The following FGF12 variants were observed in gnomAD, a reference collection of about 807,000 sequenced individuals.
FGF12 encodes fibroblast growth factor 12B.
FGF12 carries 14 observed loss-of-function variants against 23.6 expected under a neutral mutation model. That is an observed-to-expected ratio of 0.59 (90% CI 0.39 to 0.93). FGF12 has a LOEUF of 0.93. Among genes scored for constraint, FGF12 ranks in the 40% least tolerant of loss-of-function variants. The pLI is 0.00. For synonymous variants in FGF12, 62 were observed against 77.3 expected (o/e 0.80, Z 1.04); for missense variants, 175 against 217.8 (o/e 0.80, Z 1.24).
At chr3:192,627,388 C>A (rs1715211177) in intron 2 of FGF12, among the ~76,000 whole-genome samples, 2 of 151,788 alleles carry the variant, frequency 1.3e-5, no homozygotes, top group African/African-American at 4.8e-5. Flanking sequence ...ATACACTATA[C>A]CGAATACTAT....
At chr3:192,568,405 T>C (rs570876655) in intron 2 of FGF12, among the ~76,000 whole-genome samples, 2 of 152,244 alleles carry the variant, frequency 1.3e-5, no homozygotes, top group African/African-American at 4.8e-5. Context: ...TTAGTTGCCA[T>C]AGAGCAATAA....
intron 5 of FGF12, among the ~76,000 whole-genome samples, chr3:192,159,054 T>G (rs1391115611): frequency 2.6e-5 from 4 of 152,152 alleles, no homozygotes; most frequent in Admixed American, 1.3e-4. Context: ...CAAAGAACCC[T>G]ACCATGTAAC....
At chr3:192,447,078 CA>C (rs1722376275) in intron 2 of FGF12, among the ~76,000 whole-genome samples, 3 of 152,206 alleles carry the variant, frequency 2.0e-5, no homozygotes, top group Admixed American at 2.0e-4. Flanking sequence ...TCAACCTAAT[CA>C]GTCTTTAAGA....
intron 2 of FGF12, among the ~76,000 whole-genome samples, chr3:192,620,157 C>T (rs371118577): frequency 2.0e-5 from 3 of 152,138 alleles, no homozygotes; most frequent in East Asian, 1.9e-4. Context: ...TCCTCCTCAT[C>T]GAGGGGGACG....
At chr3:192,461,463 T>C (rs1722858941) in intron 2 of FGF12, among the ~76,000 whole-genome samples, 4 of 152,238 alleles carry the variant, frequency 2.6e-5, no homozygotes, top group Admixed American at 2.6e-4. Context: ...GAAGGATTAA[T>C]AGTGACTGGA....
intron 4 of FGF12, among the ~76,000 whole-genome samples, chr3:192,314,725 A>G (rs1040050683): frequency 7.9e-5 from 12 of 152,224 alleles, no homozygotes; most frequent in African/African-American, 2.4e-4. Context: ...GAAAGTAAAC[A>G]TAAGAAATTT....
chr3:192,143,967 A>G lies in FGF12; in HGVS notation c.*42T>C, dbSNP rs759265723. ...GAAATGGGTAAATGGGAAGGAAGGG[A>G]AGGGGAAGGGATGAGAGAGGGAAGA... On this transcript the variant is annotated 3_prime_UTR_variant, in exon 6 of 6. Coordinates refer to ENST00000445105, the MANE Select transcript of FGF12 (RefSeq NM_004113.6). 15 of 1,189,578 alleles carry G rather than the reference A, an allele frequency of 1.3e-5. No individual in the cohort carries two copies. In the Admixed American group the frequency reaches 2.4e-4, roughly 19 times the overall value. The allele number at this position is 1,189,578 out of a possible 1,614,324, so 73.7% of individuals were successfully genotyped here. A position where few individuals can be genotyped will look rare whatever the true frequency, so the allele number is the denominator to read the frequency against.
intron 2 of FGF12, among the ~76,000 whole-genome samples, chr3:192,676,899 C>T (rs1458400725): frequency 6.6e-6 from 1 of 152,154 alleles, no homozygotes; most frequent in African/African-American, 2.4e-5. Context: ...CTCAGACTTC[C>T]AGCCTCCAGA....
intron 2 of FGF12, among the ~76,000 whole-genome samples, chr3:192,708,217 C>T (rs1185502755): frequency 6.6e-6 from 1 of 152,084 alleles, no homozygotes; most frequent in East Asian, 1.9e-4. Context: ...CCTCGGCCTC[C>T]CAAAGTGCTG....
chr3:192,196,402 G>T (rs1717071035), intron 4 of FGF12, among the ~76,000 whole-genome samples: 1 of 152,096 alleles, frequency 6.6e-6, no homozygotes, highest in Admixed American at 6.5e-5. Flanking sequence ...GGGAGTGTTA[G>T]AACACAACAA....
At chr3:192,158,985 T>C (rs1488940372) in intron 5 of FGF12, among the ~76,000 whole-genome samples, 1 of 151,986 alleles carries the variant, frequency 6.6e-6, no homozygotes, top group Non-Finnish European at 1.5e-5. Context: ...GTGATCCCAA[T>C]GTCTGCTTAT....
chr3:192,200,084 A>G (rs1717283463), intron 4 of FGF12, among the ~76,000 whole-genome samples: 1 of 151,788 alleles, frequency 6.6e-6, no homozygotes, highest in Admixed American at 6.6e-5. Context: ...TGGGAGGCCG[A>G]GGTGGGTGGA....
chr3:192,239,138 T>G (rs944458947), intron 4 of FGF12, among the ~76,000 whole-genome samples: 1 of 152,198 alleles, frequency 6.6e-6, no homozygotes, highest in Non-Finnish European at 1.5e-5. Context: ...GCCCAAAATA[T>G]AAATTGAGCC....
At chr3:192,568,069 G>A (rs1229357190) in intron 2 of FGF12, among the ~76,000 whole-genome samples, 2 of 151,926 alleles carry the variant, frequency 1.3e-5, no homozygotes, top group African/African-American at 2.4e-5. Flanking sequence ...CTGACCTCAG[G>A]TGATCTGCCT....
chr3:192,721,091 GT>G (rs1719025420), intron 2 of FGF12, among the ~76,000 whole-genome samples: 1 of 152,174 alleles, frequency 6.6e-6, no homozygotes, highest in South Asian at 2.1e-4. Context: ...GTAAAGTGAA[GT>G]TTTTGTGGGA....
intron 2 of FGF12, among the ~76,000 whole-genome samples, chr3:192,620,184 C>T (rs868657720): frequency 6.6e-6 from 1 of 152,044 alleles, no homozygotes; most frequent in Non-Finnish European, 1.5e-5. Flanking sequence ...TACATTCTGG[C>T]CCTGAATTCA....
At chr3:192,395,236 G>A (rs563444630) in intron 2 of FGF12, among the ~76,000 whole-genome samples, 1 of 152,218 alleles carries the variant, frequency 6.6e-6, no homozygotes, top group East Asian at 1.9e-4. Context: ...TGCATCAGTG[G>A]GTGCTCTGAT....
At chr3:192,630,721 T>C (rs1226661798) in intron 2 of FGF12, among the ~76,000 whole-genome samples, 1 of 77,040 alleles carries the variant, frequency 1.3e-5, no homozygotes, top group East Asian at 2.8e-4. Context: ...CCCGGCTAAT[T>C]TTTTTTTTTT....
chr3:192,548,896 A>C (rs895967004), intron 2 of FGF12, among the ~76,000 whole-genome samples: 3 of 152,300 alleles, frequency 2.0e-5, no homozygotes, highest in African/African-American at 7.2e-5. Context: ...CTGTGGGAAT[A>C]ATTCATTGCA....
Sources: gnomAD v4.1 joint callset for allele counts (sites outside exome capture counted in the v4.1 genomes callset) on GRCh38, gnomAD v4.1.1 for gene constraint, MANE v1.5 for transcripts, NCBI Gene and HGNC (gene_info 2026-07-23, HGNC 2026-07-21) for gene names.